Variants in UCK2 observed in about 807,000 individuals in gnomAD.
UCK2 encodes the protein uridine-cytidine kinase 2.
Under a neutral mutation model 30.8 loss-of-function variants are expected in UCK2, and 6 were observed. The ratio of observed to expected loss-of-function variants is 0.19; its 90% CI spans 0.11 to 0.38. The LOEUF is 0.38. UCK2 is among the 10% of genes least tolerant of loss of function. UCK2 has a pLI of 1.00. For missense variants in UCK2, 210 were observed against 339.8 expected (o/e 0.62, Z 3.00); for synonymous variants, 125 against 133.6 (o/e 0.94, Z 0.45).
intron 3 of UCK2, chr1:165,894,025 G>C (rs556609781): frequency 7.2e-5 from 11 of 152,162 alleles, no homozygotes; most frequent in African/African-American, 2.6e-4. Context: ...CCAGTGTGAC[G>C]TTCAAAGGAA....
chr1:165,865,400 C>G (rs571960556), intron 1 of UCK2, among the ~76,000 whole-genome samples: 6 of 152,258 alleles, frequency 3.9e-5, no homozygotes, highest in African/African-American at 1.4e-4. Context: ...GAAAGGCCCT[C>G]CACCCCCTGC....
chr1:165,827,948 G>A lies in UCK2; in HGVS notation c.99+16G>A. 5 of 1,339,512 alleles carry A rather than the reference G, an allele frequency of 3.7e-6. No individual in the cohort carries two copies. Among genetic ancestry groups the A allele is most frequent in the Non-Finnish European group, 3.9e-6 (4 of 1,035,660 alleles). 83.0% of individuals were successfully genotyped at this position (1,339,512 alleles called of 1,614,324 possible). Reference sequence around the variant, plus strand: ...TAGCGGCAAGGTACGGCGGGGCCCGGAGCCGCGCTCCCTTCCCGGCTTCTG... The same window carrying A: ...TAGCGGCAAGGTACGGCGGGGCCCGAAGCCGCGCTCCCTTCCCGGCTTCTG... On this transcript the variant is annotated intron_variant, in intron 1 of 6. Coordinates refer to ENST00000367879, the MANE Select transcript of UCK2 (RefSeq NM_012474.5).
chr1:165,905,483 TAAA>T (rs796794570), intron 5 of UCK2, among the ~76,000 whole-genome samples: 4 of 148,014 alleles, frequency 2.7e-5, no homozygotes, highest in Admixed American at 6.7e-5. Flanking sequence ...GACGCTGTCT[TAAA>T]AAAAAAAGAG....
At chr1:165,849,805 A>C (rs2101857202) in intron 1 of UCK2, among the ~76,000 whole-genome samples, 1 of 152,274 alleles carries the variant, frequency 6.6e-6, no homozygotes, top group South Asian at 2.1e-4. Flanking sequence ...AATGAGTAGC[A>C]GAGGGTTTTC....
intron 1 of UCK2, among the ~76,000 whole-genome samples, chr1:165,860,674 T>C (rs1654873240): frequency 6.6e-6 from 1 of 152,186 alleles, no homozygotes; most frequent in Admixed American, 6.5e-5. Flanking sequence ...GGTCTGGAAC[T>C]CCTGAGCTCA....
Position 165,827,952 on chromosome 1 carries a change from C to T in UCK2, c.99+20C>T, listed in dbSNP as rs1571258388. On this transcript the variant is annotated intron_variant, in intron 1 of 6. Transcript: ENST00000367879. ...GGCAAGGTACGGCGGGGCCCGGAGC[C>T]GCGCTCCCTTCCCGGCTTCTGTCCC... is the stretch of plus-strand genomic sequence containing the variant. 7.6e-7 allele frequency: 1 copy of T among 1,322,728 alleles called. No individual in the cohort carries two copies. The highest frequency in any genetic ancestry group is 9.7e-7 in the Non-Finnish European group (1 of 1,025,776). 81.9% of individuals were successfully genotyped at this position (1,322,728 alleles called of 1,614,324 possible). A position where few individuals can be genotyped will look rare whatever the true frequency, so the allele number is the denominator to read the frequency against.
chr1:165,827,909 A>T lies in UCK2; in HGVS notation c.76A>T (p.Ser26Cys). Residue 26 changes from serine (S) to cysteine (C), a missense_variant, in exon 1 of 7, where the codon AGC (serine) becomes TGC (cysteine). Physicochemically the swap from Ser to Cys is moderately radical, Grantham distance 112. This residue lies in a region of UCK2 where 50 missense variants were observed against 41.0 expected (regional missense o/e 1.22). Transcript: ENST00000367879. ...NGGEPFLIGVSGGTASGKSSV... is the reference protein window; with the variant it reads ...NGGEPFLIGVCGGTASGKSSV... ...CGGCGAGCCCTTCCTTATAGGCGTC[A>T]GCGGGGGAACAGCTAGCGGCAAGGT... The T allele has an allele frequency of 7.5e-6, 11 of 1,457,142 alleles. No homozygotes were observed. Among genetic ancestry groups the T allele is most frequent in the Non-Finnish European group, 1.0e-5 (11 of 1,095,894 alleles). 90.3% of individuals were successfully genotyped at this position (1,457,142 alleles called of 1,614,324 possible).
intron 1 of UCK2, among the ~76,000 whole-genome samples, chr1:165,870,291 T>C (rs180734516): frequency 0.011 from 1,657 of 150,282 alleles, 28 homozygotes; most frequent in Admixed American, 0.049. Flanking sequence ...GAAGATACTT[T>C]TGCTCACAGG....
chr1:165,859,210 C>T (rs934580308), intron 1 of UCK2, among the ~76,000 whole-genome samples: 14 of 152,040 alleles, frequency 9.2e-5, no homozygotes, highest in African/African-American at 1.7e-4. Context: ...TTTCCCCCTG[C>T]GGAGGAGGCT....
chr1:165,883,729 C>A (rs568490174), intron 1 of UCK2, among the ~76,000 whole-genome samples: 14 of 152,170 alleles, frequency 9.2e-5, no homozygotes, highest in African/African-American at 2.7e-4. Context: ...TGGCCTAGGG[C>A]AACCCACTTG....
intron 1 of UCK2, among the ~76,000 whole-genome samples, chr1:165,854,368 ATTAG>A (rs989224301): frequency 1.3e-4 from 20 of 152,222 alleles, no homozygotes; most frequent in African/African-American, 4.8e-4. Flanking sequence ...CTCCTTGGAT[ATTAG>A]TTAACCTCAT....
intron 3 of UCK2, among the ~76,000 whole-genome samples, chr1:165,893,193 T>C (rs1217789362): frequency 6.6e-6 from 1 of 152,180 alleles, no homozygotes; most frequent in South Asian, 2.1e-4. Context: ...GCCTGACCAG[T>C]GCAGTCTAGG....
At chr1:165,830,475 C>G (rs1196758336) in intron 1 of UCK2, among the ~76,000 whole-genome samples, 2 of 151,902 alleles carry the variant, frequency 1.3e-5, no homozygotes, top group Non-Finnish European at 1.5e-5. Context: ...CAGGTGCCCG[C>G]CACCACGCCT....
intron 1 of UCK2, among the ~76,000 whole-genome samples, chr1:165,873,777 G>A (rs746590491): frequency 1.3e-5 from 2 of 152,216 alleles, no homozygotes; most frequent in Non-Finnish European, 1.5e-5. Flanking sequence ...GTGCCGAGAC[G>A]TGGGGGGTGG....
intron 1 of UCK2, among the ~76,000 whole-genome samples, chr1:165,833,231 C>G (rs1283821743): frequency 6.6e-6 from 1 of 152,226 alleles, no homozygotes; most frequent in Non-Finnish European, 1.5e-5. Flanking sequence ...CTGCTTTTCT[C>G]AGAGATGGCA....
chr1:165,856,361 C>T lies in UCK2; in HGVS notation c.99+28429C>T, dbSNP rs111988411. On this transcript the variant is annotated intron_variant, in intron 1 of 6. Coordinates refer to ENST00000367879, the MANE Select transcript of UCK2 (RefSeq NM_012474.5). ...ACATTAATTTATTCAGCAAACATTACGTGCCTGTTGTATCCCCAGCTCCTG... is the reference window on the plus strand; with the variant it reads ...ACATTAATTTATTCAGCAAACATTATGTGCCTGTTGTATCCCCAGCTCCTG... 3.9e-3 allele frequency among the ~76,000 whole-genome samples: 588 copies of T among 151,226 alleles called. 2 individuals are homozygous for T. The highest frequency in any genetic ancestry group is 0.013 in the African/African-American group (549 of 41,218).
At chr1:165,885,670 C>T (rs1041710256) in intron 1 of UCK2, among the ~76,000 whole-genome samples, 1 of 152,222 alleles carries the variant, frequency 6.6e-6, no homozygotes, top group Non-Finnish European at 1.5e-5. Context: ...CGCTATGCAG[C>T]TGCAGCCACT....
chr1:165,828,349 T>A (rs1221163396), intron 1 of UCK2, among the ~76,000 whole-genome samples: 1 of 152,080 alleles, frequency 6.6e-6, no homozygotes, highest in Non-Finnish European at 1.5e-5. Context: ...GGCACAGACG[T>A]GCTCGCCCCG....
chr1:165,845,375 A>G (rs1224597206), intron 1 of UCK2, among the ~76,000 whole-genome samples: 4 of 152,166 alleles, frequency 2.6e-5, no homozygotes, highest in African/African-American at 7.2e-5. Context: ...TGTTTTCCTC[A>G]TAAAGCTTTT....
Sources: allele counts gnomAD v4.1 joint callset (sites outside exome capture counted in the v4.1 genomes callset), GRCh38; gene constraint gnomAD v4.1.1; regional missense constraint gnomAD v4.1.1; transcripts MANE v1.5; gene names NCBI Gene and HGNC (gene_info 2026-07-23, HGNC 2026-07-21).